Variants in ARGLU1 observed in about 807,000 individuals in gnomAD.
The protein encoded by ARGLU1 is arginine and glutamate-rich protein 1.
Under a neutral mutation model 37.6 loss-of-function variants are expected in ARGLU1, and 9 were observed. That is an observed-to-expected ratio of 0.24 (90% confidence interval 0.14 to 0.42). The LOEUF (loss-of-function observed/expected upper bound fraction) is 0.42. Among genes scored for constraint, ARGLU1 ranks in the 10% least tolerant of loss-of-function variants. ARGLU1 has a pLI of 1.00. For synonymous variants in ARGLU1, 166 were observed against 138.5 expected (o/e 1.20, Z -1.39); for missense variants, 211 against 359.2 (o/e 0.59, Z 3.34).
Position 106,559,486 on chromosome 13 carries a change from G to A in ARGLU1, c.519C>T (p.Leu173=). 2 of 1,614,040 alleles carry A rather than the reference G, an allele frequency of 1.2e-6. No homozygotes were observed. Among genetic ancestry groups the A allele is most frequent in the Non-Finnish European group, 1.7e-6 (2 of 1,180,024 alleles). ...EAKRIMEKQL[L]EELERQRQAE... ...CTTGTCTCTGTCGCTCGAGTTCTTC[G>A]AGCAACTGCTTTTCCATGATGCGTT... Residue 173 remains leucine (L), a synonymous_variant, in exon 2 of 4, where the codon CTC becomes CTT. Transcript: ENST00000400198.
intron 3 of ARGLU1, among the ~76,000 whole-genome samples, chr13:106,546,008 A>C (rs1466532152): frequency 6.6e-6 from 1 of 152,324 alleles, no homozygotes; most frequent in East Asian, 1.9e-4. Context: ...CCTTAAAATA[A>C]ATCTGCCCTT....
chr13:106,557,935 G>A lies in ARGLU1; in HGVS notation c.574-804C>T. 1.0e-6 allele frequency: 1 copy of A among 985,398 alleles called. No individual in the cohort carries two copies. Among genetic ancestry groups the A allele is most frequent in the Non-Finnish European group, 1.2e-6 (1 of 829,918 alleles). The allele number at this position is 985,398 out of a possible 1,614,324, so 61.0% of individuals were successfully genotyped here. Reference sequence around the variant, plus strand: ...CATCTACAATCTGAACTGAAACTCAGAAATCCAGGGGATGCATGGTCAGGA... The same window carrying A: ...CATCTACAATCTGAACTGAAACTCAAAAATCCAGGGGATGCATGGTCAGGA... On this transcript the variant is annotated intron_variant, in intron 2 of 3. Transcript: ENST00000400198. The surrounding 1 kb of genome is among the most constrained non-coding windows in gnomAD (Gnocchi z 5.0).
rs190234961 is a variant in ARGLU1 at position 106,558,503 on chromosome 13, A to G, written c.573+929T>C. On this transcript the variant is annotated intron_variant, in intron 2 of 3. Transcript: ENST00000400198. ...ACAGGATTTCCTACATCACACACCA[A>G]TGGGATTCATATTCATTATGCAAAC... 17 of 985,424 alleles carry G rather than the reference A, an allele frequency of 1.7e-5. No individual in the cohort carries two copies. In the Admixed American group the frequency reaches 9.8e-4, roughly 57 times the overall value. The allele number at this position is 985,424 out of a possible 1,614,324, so 61.0% of individuals were successfully genotyped here.
At chr13:106,551,530 A>G (rs2893263) in intron 3 of ARGLU1, among the ~76,000 whole-genome samples, 45,125 of 152,074 alleles carry the variant, frequency 0.3, 7,708 homozygotes, top group East Asian at 0.69. Flanking sequence ...GTGACTCAAA[A>G]CTGGAGCCTC....
intron 3 of ARGLU1, among the ~76,000 whole-genome samples, chr13:106,548,046 T>C (rs1880438465): frequency 6.6e-6 from 1 of 152,198 alleles, no homozygotes; most frequent in Non-Finnish European, 1.5e-5. Context: ...TAATCACCAA[T>C]GCTAGGCATA....
At chr13:106,558,977 G>A in intron 2 of ARGLU1, 1 of 985,396 alleles carries the variant, frequency 1.0e-6, no homozygotes, top group Non-Finnish European at 1.2e-6. Context: ...CAAAGCAGGT[G>A]CTATCACTCA....
rs2138971341 is a variant in ARGLU1, at chr13:106,556,711, T to C, written c.657+337A>G. ...AAAGTAAAATGCTGCATATTATAGT[T>C]GGTTTAAATATACCCCCAAGCTTTT... is the stretch of plus-strand genomic sequence containing the variant. On this transcript the variant is annotated intron_variant, in intron 3 of 3. Coordinates refer to ENST00000400198, the MANE Select transcript of ARGLU1 (RefSeq NM_018011.4). 1.3e-5 allele frequency among the ~76,000 whole-genome samples: 2 copies of C among 152,366 alleles called. 1 individual carries two copies. The highest frequency in any genetic ancestry group is 6.8e-3 in the Middle Eastern group (2 of 294).
At chr13:106,562,998 A>C (rs923769429) in intron 1 of ARGLU1, among the ~76,000 whole-genome samples, 3 of 131,326 alleles carry the variant, frequency 2.3e-5, no homozygotes, top group Non-Finnish European at 4.8e-5. Context: ...CTCAAAAAAA[A>C]AAAAAAAAAA....
chr13:106,544,701 A>C (rs1880347874), intron 3 of ARGLU1, among the ~76,000 whole-genome samples: 1 of 152,174 alleles, frequency 6.6e-6, no homozygotes. Flanking sequence ...GCATACACAC[A>C]CACAAAAAAA....
At chr13:106,548,523 C>T (rs994176339) in intron 3 of ARGLU1, among the ~76,000 whole-genome samples, 2 of 152,088 alleles carry the variant, frequency 1.3e-5, no homozygotes, top group Non-Finnish European at 2.9e-5. Flanking sequence ...TAGTGGACAG[C>T]TTGGAGGCCA....
In ARGLU1 at chr13:106,567,449, C is replaced by G. The variant is rs2138979655; in HGVS notation, c.347+124G>C. On this transcript the variant is annotated intron_variant, in intron 1 of 3. Coordinates refer to ENST00000400198, the MANE Select transcript of ARGLU1 (RefSeq NM_018011.4). The surrounding 1 kb of genome is among the most constrained non-coding windows in gnomAD (Gnocchi z 4.3). The stretch of plus-strand genomic sequence containing the variant: ...CCGCCTCTCCGACCCGTTCCCGCGC[C>G]CGGTCCCCAGCCCCGGACCGTCCCC... 1 of 642,810 alleles carries G rather than the reference C, an allele frequency of 1.6e-6. No individual in the cohort carries two copies. The highest frequency in any genetic ancestry group is 2.4e-6 in the Non-Finnish European group (1 of 408,306). The allele number at this position is 642,810 out of a possible 1,614,324, so 39.8% of individuals were successfully genotyped here.
chr13:106,563,747 C>G (rs1000929460), intron 1 of ARGLU1, among the ~76,000 whole-genome samples: 1 of 152,192 alleles, frequency 6.6e-6, no homozygotes. Context: ...TCCATATAAT[C>G]AATTTTCTCC....
rs547452802 is a variant in ARGLU1, at chr13:106,558,631, A to T, written c.573+801T>A. ...GGAGTAATCAGTGCAAACAAGCCAT[A>T]AAGCTTCAGTAGCAAATTACTGTCT... On this transcript the variant is annotated intron_variant, in intron 2 of 3. Transcript: ENST00000400198. The T allele has an allele frequency of 6.4e-5, 63 of 985,440 alleles. No individual in the cohort carries two copies. The African/African-American group carries it at 8.9e-4, about 14-fold the overall frequency. 61.0% of individuals were successfully genotyped at this position (985,440 alleles called of 1,614,324 possible). A position where few individuals can be genotyped will look rare whatever the true frequency, so the allele number is the denominator to read the frequency against.
chr13:106,553,120 A>G (rs1880574702), intron 3 of ARGLU1, among the ~76,000 whole-genome samples: 1 of 152,202 alleles, frequency 6.6e-6, no homozygotes, highest in Non-Finnish European at 1.5e-5. Flanking sequence ...AAAGTGATAT[A>G]CATTACTTGT....
chr13:106,547,135 T>C (rs1285382435), intron 3 of ARGLU1, among the ~76,000 whole-genome samples: 1 of 152,136 alleles, frequency 6.6e-6, no homozygotes, highest in Middle Eastern at 3.2e-3. Flanking sequence ...ATGTGATGCC[T>C]TCCACCATGG....
chr13:106,563,677 A>G (rs1427414605), intron 1 of ARGLU1, among the ~76,000 whole-genome samples: 1 of 152,168 alleles, frequency 6.6e-6, no homozygotes, highest in African/African-American at 2.4e-5. Context: ...TATTCTTAAC[A>G]TCAGCTAGGT....
chr13:106,551,890 T>A (rs924928506), intron 3 of ARGLU1, among the ~76,000 whole-genome samples: 1 of 152,172 alleles, frequency 6.6e-6, no homozygotes, highest in Non-Finnish European at 1.5e-5. Context: ...TAAGAAAACA[T>A]GTGATGGCAT....
chr13:106,563,566 G>C (rs1405589421), intron 1 of ARGLU1, among the ~76,000 whole-genome samples: 1 of 152,206 alleles, frequency 6.6e-6, no homozygotes, highest in Non-Finnish European at 1.5e-5. Context: ...CACTTTGGGA[G>C]GCTGAGGTAG....
In ARGLU1 at chr13:106,557,603, C is replaced by G; in HGVS notation, c.574-472G>C. 6.2e-7 allele frequency: 1 copy of G among 1,606,430 alleles called. No individual in the cohort carries two copies. The highest frequency in any genetic ancestry group is 8.5e-7 in the Non-Finnish European group (1 of 1,176,878). On this transcript the variant is annotated intron_variant, in intron 2 of 3. Transcript: ENST00000400198. The surrounding 1 kb of genome is among the most constrained non-coding windows in gnomAD (Gnocchi z 5.0). ...CAGAGTGTGCTCCTCGGCTGCCATA[C>G]GCGCCAGCTTCCTCTTTAAAATGAT...
Sources: allele counts gnomAD v4.1 joint callset (sites outside exome capture counted in the v4.1 genomes callset), GRCh38; gene constraint gnomAD v4.1.1; non-coding constraint Gnocchi (gnomAD v3.1); transcripts MANE v1.5; gene names NCBI Gene and HGNC (gene_info 2026-07-23, HGNC 2026-07-21).